The following TUB variants were observed in gnomAD, a reference collection of about 807,000 sequenced individuals.
TUB encodes tubby protein homolog.
In TUB, 33 loss-of-function variants were observed where a neutral mutation model predicts 59.7. That is an observed-to-expected ratio of 0.55 (90% CI 0.42 to 0.74). The LOEUF (loss-of-function observed/expected upper bound fraction) is 0.74, where lower values mean the gene tolerates loss of function less well. Ranked by LOEUF, TUB falls within the 30% of genes least tolerant of loss-of-function variation. TUB has a pLI of 0.00. For synonymous variants in TUB, 293 were observed against 256.4 expected (o/e 1.14, Z -1.36); for missense variants, 659 against 672.0 (o/e 0.98, Z 0.21).
At chr11:8,100,795 G>A in intron 10 of TUB, 31 bp from the exon 11 acceptor site, 2 of 1,611,376 alleles carry the variant, frequency 1.2e-6, no homozygotes, top group Non-Finnish European at 8.5e-7. Context: ...CCAAAGGCCT[G>A]GGCCTGGCTC....
intron 1 of TUB, among the ~76,000 whole-genome samples, chr11:8,021,395 G>C (rs1007066328): frequency 1.3e-5 from 2 of 152,068 alleles, no homozygotes; most frequent in Non-Finnish European, 2.9e-5. Context: ...GCTTGAGCCG[G>C]GGAGGCGGAG....
chr11:8,055,848 C>T (rs1943010860), intron 2 of TUB, among the ~76,000 whole-genome samples: 1 of 152,208 alleles, frequency 6.6e-6, no homozygotes, highest in Non-Finnish European at 1.5e-5. Context: ...CCCTGGCCTC[C>T]CTGCTCACCT....
rs764214686 is a variant in TUB, at chr11:8,097,224, A to G, written c.688-4A>G. The G allele has an allele frequency of 6.2e-7, 1 of 1,613,890 alleles. No individual in the cohort carries two copies. The highest frequency in any genetic ancestry group is 2.2e-5 in the East Asian group (1 of 44,868). On this transcript the variant is annotated splice_polypyrimidine_tract_variant and splice_region_variant and intron_variant, in intron 6 of 11. Transcript: ENST00000299506. ...GCTCAGGCACCTATTCTGCATCCCC[A>G]TAGGAGGCAGCCTCAGCCCCTAGCC...
At chr11:8,043,773 T>C (rs962514455) in intron 2 of TUB, among the ~76,000 whole-genome samples, 1 of 152,238 alleles carries the variant, frequency 6.6e-6, no homozygotes, top group African/African-American at 2.4e-5. Flanking sequence ...GCAAACTTGC[T>C]GAACTTGTTT....
intron 3 of TUB, among the ~76,000 whole-genome samples, chr11:8,092,120 C>T (rs928028270): frequency 6.6e-6 from 1 of 152,232 alleles, no homozygotes; most frequent in Non-Finnish European, 1.5e-5. Flanking sequence ...GTACAACTAG[C>T]GCCTCTGGCG....
chr11:8,021,840 C>T (rs543822164), intron 1 of TUB, among the ~76,000 whole-genome samples: 135 of 150,352 alleles, frequency 9.0e-4, no homozygotes, highest in African/African-American at 3.1e-3. Context: ...GGCGTGAACC[C>T]GGCAGGTGGA....
At chr11:8,045,535 A>G (rs1168588428) in intron 2 of TUB, among the ~76,000 whole-genome samples, 2 of 152,242 alleles carry the variant, frequency 1.3e-5, no homozygotes, top group Non-Finnish European at 2.9e-5. Flanking sequence ...AGTATCCGGA[A>G]TATCCGAAAC....
At chr11:8,035,153 T>C (rs1942628710), upstream of TUB, among the ~76,000 whole-genome samples, 1 of 152,180 alleles carries the variant, frequency 6.6e-6, no homozygotes. Context: ...TTAAGATAAA[T>C]GATATTTCAA....
chr11:8,100,602 G>C lies in TUB; in HGVS notation c.1215+1G>C. The C allele has an allele frequency of 6.2e-7, 1 of 1,613,454 alleles. No individual in the cohort carries two copies. Among genetic ancestry groups the C allele is most frequent in the Non-Finnish European group, 8.5e-7 (1 of 1,179,534 alleles). ...GAGAGTCTCTATCCGCCCCCGCAAC[G>C]TGAGTGTCTACCCCTTCCTCCCCTC... On this transcript the variant is annotated splice_donor_variant, in intron 10 of 11. Coordinates refer to ENST00000299506, the MANE Select transcript of TUB (RefSeq NM_177972.3). LOFTEE classifies it high-confidence loss of function.
intron 2 of TUB, chr11:8,076,009 A>G (rs369183408): frequency 2.0e-5 from 3 of 152,234 alleles, no homozygotes; most frequent in East Asian, 3.9e-4. Context: ...TCCCTTGATG[A>G]GGGTGATACT....
intron 2 of TUB, among the ~76,000 whole-genome samples, chr11:8,043,009 A>T (rs758564805): frequency 1.6e-4 from 24 of 152,160 alleles, no homozygotes; most frequent in Non-Finnish European, 2.8e-4. Flanking sequence ...AAGAAACTGT[A>T]GGATTTTTTA....
chr11:8,060,380 C>T (rs1589940271), intron 2 of TUB, among the ~76,000 whole-genome samples: 1 of 152,134 alleles, frequency 6.6e-6, no homozygotes, highest in Non-Finnish European at 1.5e-5. Flanking sequence ...AACCATGGGT[C>T]GGGTTGCTGG....
intron 1 of TUB, among the ~76,000 whole-genome samples, chr11:8,020,342 C>T (rs1942405064): frequency 6.6e-6 from 1 of 152,178 alleles, no homozygotes; most frequent in Non-Finnish European, 1.5e-5. Context: ...CCTGTGCTCT[C>T]CTTCCCTTAA....
chr11:8,064,570 T>G (rs1309158463), intron 2 of TUB, among the ~76,000 whole-genome samples: 1 of 152,020 alleles, frequency 6.6e-6, no homozygotes, highest in Non-Finnish European at 1.5e-5. Context: ...GGTCTAAGCA[T>G]GGGGAGTTGT....
chr11:8,094,482 C>T (rs1231919303), intron 4 of TUB, among the ~76,000 whole-genome samples: 6 of 152,194 alleles, frequency 3.9e-5, no homozygotes, highest in Non-Finnish European at 8.8e-5. Flanking sequence ...CCTGAGCACC[C>T]TTTATCATGA....
chr11:8,095,603 C>CGGCA lies in TUB; in HGVS notation c.505_508dup (p.Ala170GlyfsTer29). ...GACCACGCCCAGGACGCAGGGGAGA[C>CGGCA]GGCAGCTGGTGGGGGCGAACGGCCC... is the stretch of plus-strand genomic sequence containing the variant. On this transcript the variant is annotated frameshift_variant, in exon 5 of 12. Transcript: ENST00000299506. LOFTEE classifies it high-confidence loss of function. 8 of 1,612,638 alleles carry CGGCA rather than the reference C, an allele frequency of 5.0e-6. No individual in the cohort carries two copies. Among genetic ancestry groups the CGGCA allele is most frequent in the Non-Finnish European group, 6.8e-6 (8 of 1,179,708 alleles).
intron 1 of TUB, among the ~76,000 whole-genome samples, chr11:8,029,203 G>T (rs1259097459): frequency 6.6e-6 from 1 of 152,122 alleles, no homozygotes. Flanking sequence ...AACAAAGCAT[G>T]CAGTTGCTGG....
At chr11:8,052,568 C>T (rs372088911) in intron 2 of TUB, among the ~76,000 whole-genome samples, 1 of 145,072 alleles carries the variant, frequency 6.9e-6, no homozygotes, top group East Asian at 2.2e-4. Context: ...CTCCTGGGTT[C>T]ATGCCATTCT....
At chr11:8,031,136 G>T (rs1942565442) in intron 1 of TUB, among the ~76,000 whole-genome samples, 1 of 152,206 alleles carries the variant, frequency 6.6e-6, no homozygotes. Context: ...TGCCACCAAG[G>T]GCAGCCATGT....
Sources: allele counts gnomAD v4.1 joint callset (sites outside exome capture counted in the v4.1 genomes callset), GRCh38; gene constraint gnomAD v4.1.1; transcripts MANE v1.5; gene names NCBI Gene and HGNC (gene_info 2026-07-23, HGNC 2026-07-21).